Variants in RCC1 observed in about 807,000 individuals in gnomAD.
RCC1 encodes the protein regulator of chromosome condensation 1.
Under a neutral mutation model 44.4 loss-of-function variants are expected in RCC1, and 11 were observed. The observed-to-expected ratio is 0.25, with a 90% confidence interval of 0.16 to 0.41. The LOEUF (loss-of-function observed/expected upper bound fraction) is 0.41, where lower values mean the gene tolerates loss of function less well. Ranked by LOEUF, RCC1 falls within the 10% of genes least tolerant of loss-of-function variation. The probability of loss-of-function intolerance (pLI) is 1.00; values close to 1 mark genes in which losing one functional copy is unlikely to be tolerated. For synonymous variants in RCC1, 213 were observed against 216.5 expected (o/e 0.98, Z 0.14); for missense variants, 386 against 547.1 (o/e 0.71, Z 2.94).
chr1:28,530,734 C>T (rs1054345653), intron 5 of RCC1: 2 of 756,836 alleles, frequency 2.6e-6, no homozygotes, highest in Admixed American at 6.2e-5. Flanking sequence ...TGGGGGGCCG[C>T]CTTTGGCCCA....
intron 12 of RCC1, 77 bp from the exon 13 acceptor site, chr1:28,537,755 T>C (rs1301931626): frequency 6.9e-7 from 1 of 1,448,164 alleles, no homozygotes; most frequent in South Asian, 1.3e-5. Flanking sequence ...TCCACGCCCA[T>C]GTCCCAGGTT....
intron 4 of RCC1, chr1:28,527,002 G>A (rs1002569221): frequency 2.6e-5 from 22 of 831,948 alleles, no homozygotes; most frequent in Middle Eastern, 3.4e-4. Context: ...CATTGACCAC[G>A]GCTGTACCCT....
At chr1:28,522,473 C>T (rs1218529506) in intron 4 of RCC1, among the ~76,000 whole-genome samples, 1 of 151,930 alleles carries the variant, frequency 6.6e-6, no homozygotes, top group Non-Finnish European at 1.5e-5. Context: ...CTAAGGAGTC[C>T]AAGCAGGCCA....
At chr1:28,518,758 T>A (rs760892271) in intron 4 of RCC1, 10 of 151,476 alleles carry the variant, frequency 6.6e-5, no homozygotes, top group Non-Finnish European at 1.3e-4. Flanking sequence ...AGAGGGTGGG[T>A]CGTAGGAGCT....
chr1:28,514,569 C>T (rs1662772158), intron 3 of RCC1, among the ~76,000 whole-genome samples: 2 of 151,342 alleles, frequency 1.3e-5, no homozygotes, highest in Non-Finnish European at 2.9e-5. Context: ...CAAGACCAGC[C>T]TGACCAACAT....
At chr1:28,527,803 A>G (rs1406298569) in intron 4 of RCC1, among the ~76,000 whole-genome samples, 1 of 150,624 alleles carries the variant, frequency 6.6e-6, no homozygotes, top group Non-Finnish European at 1.5e-5. Context: ...TGAGGTCAGG[A>G]GTTCAAGACC....
At position 28,536,819 on chromosome 1, in the gene RCC1, T is replaced by C; in HGVS notation, c.1010T>C (p.Ile337Thr). 1 of 1,614,076 alleles carries C rather than the reference T, an allele frequency of 6.2e-7. No individual in the cohort carries two copies. The highest frequency in any genetic ancestry group is 8.5e-7 in the Non-Finnish European group (1 of 1,180,000). ...GGAGAGGGTGCTGAGGAGAAGAGCA[T>C]ACCCACCCTCATCTCCAGGCTGCCT... ...GLGEGAEEKS[I>T]PTLISRLPAV... Residue 337 changes from isoleucine to threonine, a missense_variant, in exon 12 of 13, where the codon ATA (isoleucine) becomes ACA (threonine). Transcript: ENST00000683442. The surrounding 1 kb of genome is among the most constrained non-coding windows in gnomAD (Gnocchi z 4.9).
At position 28,538,006 on chromosome 1, in the gene RCC1, G is replaced by A. The variant is rs756861122; in HGVS notation, c.1265G>A (p.Ter422=). ...TTAGTCAAGGACAAAGAACAGAGCT[G>A]ATGAAGCCTCTGAGGGCCTGGCTTC... ...VLLVKDKEQS[*] The change falls in exon 13 of 13, where the codon TGA becomes TAA. Residue 422 remains the stop codon, a stop_retained_variant. Coordinates refer to ENST00000683442, the MANE Select transcript of RCC1 (RefSeq NM_001381865.2). 1.9e-6 allele frequency: 3 copies of A among 1,612,494 alleles called. No individual in the cohort carries two copies. Among genetic ancestry groups the A allele is most frequent in the Non-Finnish European group, 1.7e-6 (2 of 1,179,324 alleles).
In RCC1 at chr1:28,538,780, A is replaced by AAC. The variant is rs1664716787; in HGVS notation, c.*775_*776dup. ...GGGAGAGAGGGTGGAGGGTTTTATA[A>AAC]ACAAACTTAACAGCAATATTGAAAG... On this transcript the variant is annotated 3_prime_UTR_variant, in exon 13 of 13. Coordinates refer to ENST00000683442, the MANE Select transcript of RCC1 (RefSeq NM_001381865.2). 6.6e-6 allele frequency: 1 copy of AAC among 152,150 alleles called. No individual in the cohort carries two copies. Among genetic ancestry groups the AAC allele is most frequent in the Non-Finnish European group, 1.5e-5 (1 of 68,052 alleles). The allele number at this position is 152,150 out of a possible 1,614,324, so 9.4% of individuals were successfully genotyped here.
chr1:28,509,615 TTAAAA>T (rs1662347521), intron 3 of RCC1: 2 of 152,238 alleles, frequency 1.3e-5, no homozygotes, highest in African/African-American at 2.4e-5. Context: ...TATTTATGAA[TTAAAA>T]TAAATACGAC....
At chr1:28,526,836 G>T in intron 4 of RCC1, 1 of 603,302 alleles carries the variant, frequency 1.7e-6, no homozygotes, top group Non-Finnish European at 3.0e-6. Context: ...GGGGGAGGTT[G>T]CAGTGAGCCG....
intron 3 of RCC1, among the ~76,000 whole-genome samples, 179 bp from the exon 4 acceptor site, chr1:28,516,546 G>A (rs1662908486): frequency 6.6e-6 from 1 of 151,286 alleles, no homozygotes; most frequent in African/African-American, 2.4e-5. Flanking sequence ...CACCACTTGT[G>A]TGAAGACCCC....
intron 7 of RCC1, among the ~76,000 whole-genome samples, chr1:28,533,002 A>T (rs1282412096): frequency 2.0e-5 from 3 of 151,756 alleles, no homozygotes; most frequent in African/African-American, 4.8e-5. Context: ...TTTAGTAGAG[A>T]CGGGGTTTCC....
intron 4 of RCC1, among the ~76,000 whole-genome samples, chr1:28,526,114 G>A (rs1663643362): frequency 6.6e-6 from 1 of 151,964 alleles, no homozygotes; most frequent in South Asian, 2.1e-4. Context: ...GCAAAACCCT[G>A]TCTCTACAAA....
chr1:28,519,740 T>TC (rs1158136015), intron 4 of RCC1, among the ~76,000 whole-genome samples: 1 of 142,032 alleles, frequency 7.0e-6, no homozygotes, highest in East Asian at 2.0e-4. Flanking sequence ...AATTTTTGTA[T>TC]TTTTTTTTTT....
In RCC1 at chr1:28,535,941, T is replaced by G; in HGVS notation, c.732T>G (p.Asp244Glu). 1 of 1,614,116 alleles carries G rather than the reference T, an allele frequency of 6.2e-7. No homozygotes were observed. Among genetic ancestry groups the G allele is most frequent in the Non-Finnish European group, 8.5e-7 (1 of 1,180,012 alleles). The change falls in exon 10 of 13, where the codon GAT becomes GAG. Residue 244 changes from aspartate (D) to glutamate (E), a missense_variant. Asp to Glu is a conservative substitution (Grantham distance 45). Transcript: ENST00000683442. ...RGSRGHVRFQ[D>E]AFCGAYFTFA... is the part of the protein sequence containing the mutation. ...GCCGGGGCCACGTGAGATTCCAGGA[T>G]GCCTTTTGTGGTGCCTATTTCACCT...
At chr1:28,523,027 CTTTT>C (rs775851239) in intron 4 of RCC1, among the ~76,000 whole-genome samples, 5 of 91,038 alleles carry the variant, frequency 5.5e-5, no homozygotes, top group Admixed American at 2.6e-4. Context: ...GAAGAAATTT[CTTTT>C]TTTTTTTTTT....
intron 4 of RCC1, among the ~76,000 whole-genome samples, chr1:28,521,481 CAG>C (rs372643225): frequency 1.4e-4 from 19 of 136,534 alleles, no homozygotes; most frequent in African/African-American, 5.1e-4. Context: ...GACTGGGCGA[CAG>C]AGCGAGACTC....
intron 6 of RCC1, 30 bp downstream of exon 6, chr1:28,532,020 A>G: frequency 5.8e-6 from 9 of 1,560,888 alleles, no homozygotes; most frequent in Non-Finnish European, 7.8e-6. Context: ...ACAGGGTTGG[A>G]CAAGGCCTGG....
Sources: gnomAD v4.1 joint callset for allele counts (sites outside exome capture counted in the v4.1 genomes callset) on GRCh38, gnomAD v4.1.1 for gene constraint, Gnocchi (gnomAD v3.1) non-coding constraint, MANE v1.5 for transcripts, NCBI Gene and HGNC (gene_info 2026-07-23, HGNC 2026-07-21) for gene names.